KIAA0825: variants seen among roughly 807,000 people sequenced by gnomAD.
KIAA0825 encodes the protein KIAA0825.
A neutral mutation model predicts 147.6 loss-of-function variants in KIAA0825; 119 were observed. The ratio of observed to expected loss-of-function variants is 0.81; its 90% CI spans 0.69 to 0.94. The LOEUF (loss-of-function observed/expected upper bound fraction) is 0.94, where lower values mean the gene tolerates loss of function less well. Ranked by LOEUF, KIAA0825 falls within the 40% of genes least tolerant of loss-of-function variation. The probability of loss-of-function intolerance (pLI) is 0.00; values close to 1 mark genes in which losing one functional copy is unlikely to be tolerated. For missense variants in KIAA0825, 1,381 were observed against 1,472.7 expected, an observed-to-expected ratio of 0.94 and a Z score of 1.02; for synonymous variants, 470 against 518.1, an observed-to-expected ratio of 0.91 and a Z score of 1.26.
At chr5:94,376,308 T>G (rs1747563623) in intron 20 of KIAA0825, among the ~76,000 whole-genome samples, 1 of 152,136 alleles carries the variant, frequency 6.6e-6, no homozygotes, top group Non-Finnish European at 1.5e-5. Context: ...CCAGAAGACT[T>G]CATCTTGGGG....
chr5:94,592,011 G>T (rs192700845), intron 1 of KIAA0825, among the ~76,000 whole-genome samples: 229 of 152,268 alleles, frequency 1.5e-3, no homozygotes, highest in African/African-American at 5.3e-3. Context: ...AATTATGGCA[G>T]CTATAATTCA....
chr5:94,482,129 G>C (rs1264396830), intron 6 of KIAA0825, among the ~76,000 whole-genome samples: 1 of 151,904 alleles, frequency 6.6e-6, no homozygotes, highest in Non-Finnish European at 1.5e-5. Flanking sequence ...AGCAAATAAT[G>C]ACAAAATATC....
At chr5:94,558,049 C>T (rs1776887934) in intron 2 of KIAA0825, among the ~76,000 whole-genome samples, 1 of 152,184 alleles carries the variant, frequency 6.6e-6, no homozygotes, top group South Asian at 2.1e-4. Flanking sequence ...AGCTAAGTGC[C>T]TGGGTTCCTA....
chr5:94,578,547 T>C (rs1011729427), intron 2 of KIAA0825, among the ~76,000 whole-genome samples: 4 of 152,214 alleles, frequency 2.6e-5, no homozygotes, highest in African/African-American at 9.6e-5. Context: ...CAATTGATTT[T>C]AAGATAAATT....
At chr5:94,369,994 C>A (rs946494775) in intron 20 of KIAA0825, among the ~76,000 whole-genome samples, 1 of 152,124 alleles carries the variant, frequency 6.6e-6, no homozygotes, top group Non-Finnish European at 1.5e-5. Context: ...CTCCTAGGTA[C>A]TATCCAAGTG....
At chr5:94,509,137 C>T (rs568507796) in intron 5 of KIAA0825, among the ~76,000 whole-genome samples, 1 of 152,278 alleles carries the variant, frequency 6.6e-6, no homozygotes, top group South Asian at 2.1e-4. Flanking sequence ...ATATACTGAT[C>T]ACATGTACTC....
At chr5:94,282,753 T>G (rs1365050940) in intron 20 of KIAA0825, among the ~76,000 whole-genome samples, 1 of 152,096 alleles carries the variant, frequency 6.6e-6, no homozygotes, top group African/African-American at 2.4e-5. Flanking sequence ...AAGAAATGTT[T>G]GTAGGAATGA....
chr5:94,221,838 G>A (rs1286861310), intron 20 of KIAA0825, among the ~76,000 whole-genome samples: 2 of 152,030 alleles, frequency 1.3e-5, no homozygotes, highest in Admixed American at 1.3e-4. Context: ...TCTTTTCTTT[G>A]GTGAAATCTA....
chr5:94,480,637 C>T (rs1762394345), intron 6 of KIAA0825, among the ~76,000 whole-genome samples: 3 of 152,110 alleles, frequency 2.0e-5, no homozygotes, highest in Middle Eastern at 3.4e-3. Context: ...TATCATTTCA[C>T]TCCCAAATAC....
At chr5:94,361,489 G>C (rs1745053028) in intron 20 of KIAA0825, among the ~76,000 whole-genome samples, 1 of 152,196 alleles carries the variant, frequency 6.6e-6, no homozygotes, top group Admixed American at 6.5e-5. Flanking sequence ...ATTGTGTGCT[G>C]TTTTGCTTTT....
intron 5 of KIAA0825, among the ~76,000 whole-genome samples, chr5:94,497,229 G>A (rs1193169645): frequency 6.6e-6 from 1 of 152,112 alleles, no homozygotes; most frequent in African/African-American, 2.4e-5. Flanking sequence ...AAGTATGGGG[G>A]TCAGGAGGTG....
intron 18 of KIAA0825, among the ~76,000 whole-genome samples, chr5:94,388,550 C>T (rs967617826): frequency 5.3e-5 from 8 of 152,152 alleles, no homozygotes; most frequent in African/African-American, 9.7e-5. Flanking sequence ...GGAATACTTT[C>T]GTTTTTATTG....
chr5:94,423,634 G>T (rs1217305405), intron 14 of KIAA0825, among the ~76,000 whole-genome samples: 1 of 152,124 alleles, frequency 6.6e-6, no homozygotes, highest in Non-Finnish European at 1.5e-5. Context: ...AAGAGGTTTT[G>T]GCAACAATGT....
At chr5:94,272,733 T>G (rs143274944) in intron 20 of KIAA0825, among the ~76,000 whole-genome samples, 1 of 152,198 alleles carries the variant, frequency 6.6e-6, no homozygotes, top group African/African-American at 2.4e-5. Context: ...TTTAGAACTT[T>G]ACCAGATTTA....
At chr5:94,429,164 T>C (rs1755302363) in intron 14 of KIAA0825, among the ~76,000 whole-genome samples, 1 of 152,198 alleles carries the variant, frequency 6.6e-6, no homozygotes, top group Non-Finnish European at 1.5e-5. Context: ...TTGCAATCCA[T>C]GCTTTCAATT....
chr5:94,322,640 G>A (rs1411181411), intron 20 of KIAA0825, among the ~76,000 whole-genome samples: 1 of 151,680 alleles, frequency 6.6e-6, no homozygotes, highest in Non-Finnish European at 1.5e-5. Flanking sequence ...TTGTGTGCCA[G>A]CAAATGAGGT....
At chr5:94,227,958 G>A (rs1774353080) in intron 20 of KIAA0825, among the ~76,000 whole-genome samples, 2 of 151,818 alleles carry the variant, frequency 1.3e-5, no homozygotes, top group Admixed American at 6.6e-5. Flanking sequence ...AGAACTTAAT[G>A]TATAATAATA....
chr5:94,275,748 TCA>T (rs1259219998), intron 20 of KIAA0825, among the ~76,000 whole-genome samples: 3 of 152,270 alleles, frequency 2.0e-5, no homozygotes, highest in African/African-American at 7.2e-5. Flanking sequence ...CCTTGCTCCC[TCA>T]GGTAGTCCTT....
At chr5:94,418,502 G>A (rs1355626313) in intron 14 of KIAA0825, among the ~76,000 whole-genome samples, 1 of 146,384 alleles carries the variant, frequency 6.8e-6, no homozygotes, top group East Asian at 2.1e-4. Context: ...CGATTATTTG[G>A]TTCAGGTGAA....
Sources: allele counts gnomAD v4.1 joint callset (sites outside exome capture counted in the v4.1 genomes callset), GRCh38; gene constraint gnomAD v4.1.1; transcripts MANE v1.5; gene names NCBI Gene and HGNC (gene_info 2026-07-23, HGNC 2026-07-21).